Variants in PCDHA3 observed in about 807,000 individuals in gnomAD.
PCDHA3 encodes protocadherin alpha 3.
Under a neutral mutation model 62.2 loss-of-function variants are expected in PCDHA3, and 41 were observed. The observed-to-expected ratio is 0.66, with a 90% CI of 0.51 to 0.86. The LOEUF (loss-of-function observed/expected upper bound fraction) is 0.86. Among genes scored for constraint, PCDHA3 ranks in the 40% least tolerant of loss-of-function variants. The probability of loss-of-function intolerance (pLI) is 0.00; values close to 1 mark genes in which losing one functional copy is unlikely to be tolerated. For synonymous variants in PCDHA3, 640 were observed against 555.4 expected, an observed-to-expected ratio of 1.15 and a Z score of -2.14; for missense variants, 1,304 against 1,241.2, an observed-to-expected ratio of 1.05 and a Z score of -0.76.
intron 1 of PCDHA3, among the ~76,000 whole-genome samples, chr5:140,892,427 C>T (rs1429226685): frequency 6.6e-6 from 1 of 152,170 alleles, no homozygotes; most frequent in Admixed American, 6.5e-5. Flanking sequence ...GATAAAACCT[C>T]ATTATCTAAA....
chr5:140,957,513 T>C (rs76093065), intron 1 of PCDHA3, among the ~76,000 whole-genome samples: 3,563 of 152,232 alleles, frequency 0.023, 49 homozygotes, highest in Middle Eastern at 0.034. Flanking sequence ...TTATCCTTGG[T>C]TTCAGACATT....
At chr5:140,821,920 C>A (rs1554128324) in intron 1 of PCDHA3, 7 of 1,614,120 alleles carry the variant, frequency 4.3e-6, no homozygotes, top group Non-Finnish European at 5.9e-6. Context: ...CCGCATCGCG[C>A]AGGACCTAGG....
chr5:140,833,359 A>G (rs1015586759), intron 1 of PCDHA3, among the ~76,000 whole-genome samples: 1 of 152,216 alleles, frequency 6.6e-6, no homozygotes, highest in South Asian at 2.1e-4. Context: ...AAACGAACAC[A>G]GTAAGGTAGA....
chr5:140,829,498 G>T, intron 1 of PCDHA3: 1 of 1,613,570 alleles, frequency 6.2e-7, no homozygotes, highest in Non-Finnish European at 8.5e-7. Context: ...AGAACAACCC[G>T]CCGGGCTGCC....
At chr5:140,928,157 C>T (rs782528366) in intron 1 of PCDHA3, 9 of 1,614,200 alleles carry the variant, frequency 5.6e-6, no homozygotes, top group Non-Finnish European at 7.6e-6. Flanking sequence ...GATAGTGGCT[C>T]ACCCCCACTT....
chr5:140,828,605 C>A, intron 1 of PCDHA3: 1 of 1,614,210 alleles, frequency 6.2e-7, no homozygotes, highest in Admixed American at 1.7e-5. Context: ...AACCTATAAA[C>A]TCAGTTCTAG....
chr5:140,858,834 A>T, intron 1 of PCDHA3: 1 of 322,932 alleles, frequency 3.1e-6, no homozygotes, highest in Non-Finnish European at 5.8e-6. Context: ...CATTACCAAA[A>T]AATTCCACTG....
At position 140,841,428 on chromosome 5, in the gene PCDHA3, C is replaced by A. The variant is rs2150315251; in HGVS notation, c.2394+37837C>A. Reference sequence around the variant, plus strand: ...AGCGGCCAGCTCCACTACTCCGTCCCCGAGGAGGCCAAACACGGCACCTTC... The same window carrying A: ...AGCGGCCAGCTCCACTACTCCGTCCACGAGGAGGCCAAACACGGCACCTTC... On this transcript the variant is annotated intron_variant, in intron 1 of 3. Coordinates refer to ENST00000522353, the MANE Select transcript of PCDHA3 (RefSeq NM_018906.3). The A allele has an allele frequency of 7.4e-6, 12 of 1,612,842 alleles. No homozygotes were observed. The highest frequency in any genetic ancestry group is 5.0e-5 in the Admixed American group (3 of 59,990).
intron 1 of PCDHA3, chr5:140,824,633 A>ATTTTTTTTTTTT (rs1768300205): frequency 9.8e-6 from 1 of 102,004 alleles, no homozygotes; most frequent in Non-Finnish European, 1.9e-5. Flanking sequence ...TTTTTTTTTT[A>ATTTTTTTTTTTT]TTTTCTGTAG....
chr5:140,928,217 C>T, intron 1 of PCDHA3: 2 of 1,614,212 alleles, frequency 1.2e-6, no homozygotes, highest in Non-Finnish European at 1.7e-6. Flanking sequence ...AATGACAATA[C>T]ACCAAACTTT....
At chr5:140,991,214 A>G (rs922136535) in intron 3 of PCDHA3, among the ~76,000 whole-genome samples, 4 of 152,202 alleles carry the variant, frequency 2.6e-5, no homozygotes, top group Non-Finnish European at 4.4e-5. Context: ...AATTTTGTTA[A>G]ATTCATTAAT....
chr5:140,816,593 G>A (rs1765953910), intron 1 of PCDHA3: 1 of 151,658 alleles, frequency 6.6e-6, no homozygotes, highest in South Asian at 2.1e-4. Context: ...ATTACTTTGT[G>A]TTGATATCTA....
chr5:140,803,932 C>A lies in PCDHA3; in HGVS notation c.2394+341C>A. On this transcript the variant is annotated intron_variant, in intron 1 of 3. Coordinates refer to ENST00000522353, the MANE Select transcript of PCDHA3 (RefSeq NM_018906.3). ...TGACTTCGACTTGTTTTATACTTAT[C>A]CCTATACAATGCTTCTTCAATATCT... 3 of 439,350 alleles carry A rather than the reference C, an allele frequency of 6.8e-6. No individual in the cohort carries two copies. In the South Asian group the frequency reaches 8.9e-5, roughly 13 times the overall value. The allele number at this position is 439,350 out of a possible 1,614,324, so 27.2% of individuals were successfully genotyped here.
intron 1 of PCDHA3, chr5:140,823,128 T>C (rs2150122599): frequency 1.9e-6 from 3 of 1,613,702 alleles, no homozygotes; most frequent in Middle Eastern, 1.7e-4. Context: ...ACGACAACGC[T>C]CCGGCGTTCG....
chr5:140,884,582 T>G, intron 1 of PCDHA3: 1 of 1,614,172 alleles, frequency 6.2e-7, no homozygotes, highest in South Asian at 1.1e-5. Flanking sequence ...CCTCATGGCC[T>G]TCAGTCCCAG....
At chr5:140,953,900 C>G (rs1040959969) in intron 1 of PCDHA3, among the ~76,000 whole-genome samples, 4 of 152,126 alleles carry the variant, frequency 2.6e-5, no homozygotes, top group Non-Finnish European at 5.9e-5. Context: ...GTATTAAGCC[C>G]AGCATCCATT....
intron 1 of PCDHA3, among the ~76,000 whole-genome samples, chr5:140,941,230 T>C (rs536346214): frequency 7.3e-6 from 1 of 137,584 alleles, no homozygotes; most frequent in African/African-American, 2.9e-5. Context: ...TTTCTTTCTT[T>C]CTTTCTTTCT....
At chr5:140,957,080 A>G (rs2095331610) in intron 1 of PCDHA3, among the ~76,000 whole-genome samples, 1 of 152,174 alleles carries the variant, frequency 6.6e-6, no homozygotes. Flanking sequence ...CTTTTTATTA[A>G]GGAAAATGAA....
chr5:140,967,234 G>A (rs781912172), intron 1 of PCDHA3: 3 of 1,613,746 alleles, frequency 1.9e-6, no homozygotes, highest in South Asian at 1.1e-5. Context: ...ACCAGCTTCA[G>A]GTAAGCGAAT....
Sources: allele counts gnomAD v4.1 joint callset (sites outside exome capture counted in the v4.1 genomes callset), GRCh38; gene constraint gnomAD v4.1.1; transcripts MANE v1.5; gene names NCBI Gene and HGNC (gene_info 2026-07-23, HGNC 2026-07-21).